Variants in SCFD2 observed in about 807,000 individuals in gnomAD.
SCFD2 encodes sec1 family domain containing 2, also known as sec1 family domain-containing protein 2.
In SCFD2, 54 loss-of-function variants were observed where a neutral mutation model predicts 58.9. The observed-to-expected ratio is 0.92, with a 90% CI of 0.74 to 1.15. The LOEUF (loss-of-function observed/expected upper bound fraction) is 1.15, where lower values mean the gene tolerates loss of function less well. SCFD2 is among the 50% of genes most tolerant of loss of function. SCFD2 has a pLI of 0.00. For synonymous variants in SCFD2, 321 were observed against 335.9 expected (o/e 0.96, Z 0.49); for missense variants, 805 against 836.6 (o/e 0.96, Z 0.47).
At chr4:53,191,237 C>A (rs1348703027) in intron 4 of SCFD2, among the ~76,000 whole-genome samples, 1 of 152,006 alleles carries the variant, frequency 6.6e-6, no homozygotes, top group Non-Finnish European at 1.5e-5. Context: ...GTAATCCCAG[C>A]TACTTGGGAG....
At chr4:53,262,554 T>C (rs1315245719) in intron 4 of SCFD2, among the ~76,000 whole-genome samples, 2 of 152,262 alleles carry the variant, frequency 1.3e-5, no homozygotes, top group African/African-American at 4.8e-5. Context: ...ATAATTGTTC[T>C]GTTTATGGAG....
intron 5 of SCFD2, among the ~76,000 whole-genome samples, chr4:52,967,743 G>T (rs187314597): frequency 1.3e-5 from 2 of 152,274 alleles, no homozygotes; most frequent in African/African-American, 4.8e-5. Context: ...GCTGGTTTGG[G>T]TCTGGTGGTA....
Position 52,920,889 on chromosome 4 carries a change from A to G in SCFD2, c.1562-19T>C, listed in dbSNP as rs1451596263. On this transcript the variant is annotated intron_variant, in intron 5 of 8. Transcript: ENST00000401642. ...TCCCAGTCTGAAAAAATCCAGAGAT[A>G]TTTTCTTGAGTGAGTAAATCTTTAA... is the stretch of plus-strand genomic sequence containing the variant. 2 of 1,574,990 alleles carry G rather than the reference A, an allele frequency of 1.3e-6. No individual in the cohort carries two copies. The highest frequency in any genetic ancestry group is 1.7e-6 in the Non-Finnish European group (2 of 1,156,086).
At chr4:53,118,435 A>T (rs1477660634) in intron 5 of SCFD2, among the ~76,000 whole-genome samples, 7 of 152,258 alleles carry the variant, frequency 4.6e-5, no homozygotes, top group African/African-American at 1.7e-4. Flanking sequence ...ATTTGAAATG[A>T]GATTCAATCA....
chr4:53,253,388 G>A (rs1730472411), intron 4 of SCFD2, among the ~76,000 whole-genome samples: 1 of 151,864 alleles, frequency 6.6e-6, no homozygotes, highest in African/African-American at 2.4e-5. Context: ...CCCATTACTG[G>A]GTATATACCC....
chr4:53,327,425 T>C (rs557810284), intron 2 of SCFD2, among the ~76,000 whole-genome samples: 1 of 152,168 alleles, frequency 6.6e-6, no homozygotes, highest in Admixed American at 6.5e-5. Flanking sequence ...GTGAGAAGGA[T>C]ACCCACACCA....
At chr4:53,226,562 T>C (rs967310376) in intron 4 of SCFD2, among the ~76,000 whole-genome samples, 2 of 152,138 alleles carry the variant, frequency 1.3e-5, no homozygotes, top group Non-Finnish European at 2.9e-5. Flanking sequence ...ATGAAGTTCA[T>C]AAAATAAATT....
At chr4:53,248,553 T>C (rs1730208326) in intron 4 of SCFD2, among the ~76,000 whole-genome samples, 1 of 152,192 alleles carries the variant, frequency 6.6e-6, no homozygotes, top group Non-Finnish European at 1.5e-5. Flanking sequence ...GCAGTGGTTC[T>C]CCCAGCACGC....
intron 4 of SCFD2, among the ~76,000 whole-genome samples, chr4:53,201,710 T>C (rs562662456): frequency 1.6e-4 from 24 of 152,288 alleles, no homozygotes; most frequent in Admixed American, 1.4e-3. Flanking sequence ...TTTTGATGAT[T>C]GCCATTCTAA....
intron 4 of SCFD2, among the ~76,000 whole-genome samples, chr4:53,252,537 A>C (rs1560412903): frequency 6.7e-6 from 1 of 150,026 alleles, no homozygotes; most frequent in Non-Finnish European, 1.5e-5. Flanking sequence ...CAAAACAGAG[A>C]TATAGATCAA....
At chr4:53,077,491 G>T (rs533694839) in intron 5 of SCFD2, among the ~76,000 whole-genome samples, 78 of 152,118 alleles carry the variant, frequency 5.1e-4, no homozygotes, top group African/African-American at 1.9e-3. Flanking sequence ...AAGCTGGAGT[G>T]CAGTGGCATG....
chr4:53,197,358 TATCCAAAGTCTTACAGTAG>T (rs1267353067), intron 4 of SCFD2, among the ~76,000 whole-genome samples: 1 of 152,090 alleles, frequency 6.6e-6, no homozygotes, highest in Non-Finnish European at 1.5e-5. Context: ...TTGAAAGGAT[TATCCAAAGTCTTACAGTAG>T]GGGGCAGTAT....
chr4:53,153,229 T>A (rs1294840169), intron 4 of SCFD2, among the ~76,000 whole-genome samples: 1 of 152,188 alleles, frequency 6.6e-6, no homozygotes, highest in Non-Finnish European at 1.5e-5. Flanking sequence ...CTGCAGGGGC[T>A]CCACCTCTTC....
chr4:52,970,740 C>G (rs940120743), intron 5 of SCFD2, among the ~76,000 whole-genome samples: 1 of 152,202 alleles, frequency 6.6e-6, no homozygotes, highest in Non-Finnish European at 1.5e-5. Context: ...CCCTGACCCC[C>G]GAGTAGCCTA....
At chr4:53,326,564 T>C (rs949607247) in intron 2 of SCFD2, among the ~76,000 whole-genome samples, 19 of 152,146 alleles carry the variant, frequency 1.2e-4, no homozygotes, top group Non-Finnish European at 1.5e-5. Context: ...ACGTTAGAGA[T>C]ATTCCTCTTA....
intron 3 of SCFD2, among the ~76,000 whole-genome samples, chr4:53,304,049 A>T (rs1361106371): frequency 6.6e-6 from 1 of 151,740 alleles, no homozygotes; most frequent in Non-Finnish European, 1.5e-5. Flanking sequence ...ACATGTATAT[A>T]TATGTAACAA....
chr4:53,347,448 T>C (rs922712658), intron 2 of SCFD2, among the ~76,000 whole-genome samples: 7 of 152,100 alleles, frequency 4.6e-5, no homozygotes, highest in Non-Finnish European at 8.8e-5. Context: ...GTTCTCTCCA[T>C]AGCTCTCTAG....
At chr4:53,100,470 G>A (rs1208377446) in intron 5 of SCFD2, among the ~76,000 whole-genome samples, 1 of 152,130 alleles carries the variant, frequency 6.6e-6, no homozygotes, top group Non-Finnish European at 1.5e-5. Flanking sequence ...GTTTCATAAC[G>A]TGATTATTTA....
At chr4:53,264,132 G>A (rs772209817) in intron 4 of SCFD2, among the ~76,000 whole-genome samples, 4 of 152,148 alleles carry the variant, frequency 2.6e-5, no homozygotes, top group Non-Finnish European at 4.4e-5. Context: ...AGTCCTAAAG[G>A]CTGGTATCAT....
Sources: gnomAD v4.1 joint callset for allele counts (sites outside exome capture counted in the v4.1 genomes callset) on GRCh38, gnomAD v4.1.1 for gene constraint, MANE v1.5 for transcripts, NCBI Gene and HGNC (gene_info 2026-07-23, HGNC 2026-07-21) for gene names.